CNTN3: variants seen among roughly 807,000 people sequenced by gnomAD.
The protein encoded by CNTN3 is contactin 3, also known as contactin-3.
In CNTN3, 60 loss-of-function variants were observed where a neutral mutation model predicts 119.1. That is an observed-to-expected ratio of 0.50 (90% CI 0.41 to 0.62). The LOEUF is 0.62. CNTN3 is among the 20% of genes least tolerant of loss of function. The pLI, the probability that CNTN3 is intolerant of heterozygous loss-of-function variation, is 0.00. For missense variants in CNTN3, 1,101 were observed against 1,242.4 expected, an observed-to-expected ratio of 0.89 and a Z score of 1.71; for synonymous variants, 450 against 438.7, an observed-to-expected ratio of 1.03 and a Z score of -0.32.
chr3:74,478,458 T>C (rs1702700945), intron 4 of CNTN3, among the ~76,000 whole-genome samples: 1 of 152,120 alleles, frequency 6.6e-6, no homozygotes, highest in African/African-American at 2.4e-5. Flanking sequence ...TTGTAAGGTA[T>C]ATTAAATGCA....
At position 74,365,702 on chromosome 3, in the gene CNTN3, G is replaced by A. The variant is rs1442099881; in HGVS notation, c.947C>T (p.Ala316Val). 1.3e-6 allele frequency: 2 copies of A among 1,596,130 alleles called. No individual in the cohort carries two copies. Among genetic ancestry groups the A allele is most frequent in the Non-Finnish European group, 1.7e-6 (2 of 1,171,620 alleles). Residue 316 changes from alanine to valine, a missense_variant and splice_region_variant, in exon 9 of 23, where the codon GCA becomes GTA. Coordinates refer to ENST00000263665, the MANE Select transcript of CNTN3 (RefSeq NM_020872.3). ...TATGAGTTGAACCCAATGGGGCTTT[G>A]CTTCAATGAAAGAAAAGGAAAAAGA... ...NVARGRLTYY[A>V]KPHWVQLIKD...
At chr3:74,321,468 C>A (rs1233026453) in intron 13 of CNTN3, among the ~76,000 whole-genome samples, 2 of 151,652 alleles carry the variant, frequency 1.3e-5, no homozygotes, top group Non-Finnish European at 2.9e-5. Context: ...AAGAAGGAGC[C>A]AAAACCAATA....
Position 74,318,569 on chromosome 3 carries a change from C to G in CNTN3, c.1669-15762G>C, listed in dbSNP as rs181421108. On this transcript the variant is annotated intron_variant, in intron 13 of 22. Transcript: ENST00000263665. ...TTCTAACGGACAGGACCCTCAGCTG[C>G]AGGTCTGTTGGAGTTGGAGTTTGCT... Among the ~76,000 whole-genome samples the G allele has an allele frequency of 3.8e-4, 58 of 152,282 alleles. 1 individual carries two copies. In the East Asian group the frequency reaches 9.9e-3, roughly 26 times the overall value.
intron 1 of CNTN3, among the ~76,000 whole-genome samples, chr3:74,530,448 A>T (rs566486010): frequency 1.3e-5 from 2 of 152,058 alleles, no homozygotes; most frequent in East Asian, 3.9e-4. Flanking sequence ...ACAGAGAGGA[A>T]GGCAGGTACT....
chr3:74,569,521 C>A (rs1366684020), intron 1 of CNTN3, among the ~76,000 whole-genome samples: 2 of 152,206 alleles, frequency 1.3e-5, no homozygotes, highest in Admixed American at 1.3e-4. Context: ...AGAAAGCTCA[C>A]TCTCAACTCA....
chr3:74,300,072 T>C (rs1198289519), intron 16 of CNTN3, 134 bp from the exon 17 acceptor site: 11 of 474,226 alleles, frequency 2.3e-5, no homozygotes, highest in Non-Finnish European at 3.3e-5. Flanking sequence ...TGGGTGTTTA[T>C]GTACATATAC....
chr3:74,305,066 A>G (rs1702532113), intron 13 of CNTN3, among the ~76,000 whole-genome samples: 1 of 152,238 alleles, frequency 6.6e-6, no homozygotes, highest in Non-Finnish European at 1.5e-5. Flanking sequence ...TGTTAGATTC[A>G]TTCAAGGACA....
intron 4 of CNTN3, among the ~76,000 whole-genome samples, chr3:74,446,840 AG>A (rs1038934012): frequency 4.4e-4 from 67 of 152,226 alleles, no homozygotes; most frequent in African/African-American, 1.3e-3. Context: ...TCAGGGTCAT[AG>A]GGTATAAGTT....
At chr3:74,492,977 ATCTAAT>A (rs1391980212) in intron 3 of CNTN3, among the ~76,000 whole-genome samples, 2 of 152,094 alleles carry the variant, frequency 1.3e-5, no homozygotes, top group Admixed American at 6.6e-5. Context: ...GAATAAAGCA[ATCTAAT>A]TCTATTTTCT....
At chr3:74,450,652 TCCCTCCC>T (rs1465661289) in intron 4 of CNTN3, among the ~76,000 whole-genome samples, 1 of 118,926 alleles carries the variant, frequency 8.4e-6, no homozygotes, top group Non-Finnish European at 1.7e-5. Flanking sequence ...CCCAATGCTA[TCCCTCCC>T]CCCTCCCCCC....
rs553394064 is a variant in CNTN3, at chr3:74,558,113, T to C, written c.-80-36921A>G. ...TCTCCCTCTTTAGGGATAATCTTCATGCAATTACTGGTTTTTGCATGATAT... is the reference window on the plus strand; with the variant it reads ...TCTCCCTCTTTAGGGATAATCTTCACGCAATTACTGGTTTTTGCATGATAT... On this transcript the variant is annotated intron_variant, in intron 1 of 22. Coordinates refer to ENST00000263665, the MANE Select transcript of CNTN3 (RefSeq NM_020872.3). Among the ~76,000 whole-genome samples the C allele has an allele frequency of 5.3e-5, 8 of 152,296 alleles. No homozygotes were observed. The East Asian group carries it at 1.5e-3, about 29-fold the overall frequency.
At chr3:74,473,677 G>C (rs199884637) in intron 4 of CNTN3, among the ~76,000 whole-genome samples, 1 of 152,238 alleles carries the variant, frequency 6.6e-6, no homozygotes, top group East Asian at 1.9e-4. Flanking sequence ...TAAACAAATA[G>C]AAAAGATGTA....
At chr3:74,306,433 A>C (rs1005063563) in intron 13 of CNTN3, among the ~76,000 whole-genome samples, 3 of 152,160 alleles carry the variant, frequency 2.0e-5, no homozygotes, top group Non-Finnish European at 4.4e-5. Context: ...TTGAATAAAA[A>C]ATAGCTTATC....
chr3:74,354,598 T>C (rs1703894338), intron 11 of CNTN3, among the ~76,000 whole-genome samples: 1 of 152,082 alleles, frequency 6.6e-6, no homozygotes, highest in Admixed American at 6.6e-5. Context: ...TGAAATACTA[T>C]GGAATACTGA....
chr3:74,592,217 T>G (rs890456661), intron 1 of CNTN3, among the ~76,000 whole-genome samples: 2 of 151,798 alleles, frequency 1.3e-5, no homozygotes, highest in African/African-American at 4.8e-5. Context: ...TTGCCACTTC[T>G]GTGGTGGCCA....
intron 1 of CNTN3, among the ~76,000 whole-genome samples, chr3:74,527,228 T>C (rs1703633021): frequency 6.6e-6 from 1 of 151,952 alleles, no homozygotes; most frequent in Non-Finnish European, 1.5e-5. Context: ...GAAACAAATA[T>C]TCCTGAGGTT....
intron 1 of CNTN3, among the ~76,000 whole-genome samples, chr3:74,521,486 A>G (rs1226308741): frequency 6.6e-6 from 1 of 151,474 alleles, no homozygotes; most frequent in Admixed American, 6.6e-5. Context: ...AATTTCAAGA[A>G]AGAAAACATT....
chr3:74,320,526 G>A (rs958942008), intron 13 of CNTN3, among the ~76,000 whole-genome samples: 7 of 152,110 alleles, frequency 4.6e-5, no homozygotes, highest in Non-Finnish European at 7.4e-5. Context: ...TGTGGGGTGG[G>A]GGGACGTGGG....
intron 1 of CNTN3, among the ~76,000 whole-genome samples, chr3:74,551,754 C>CTTTTTTTTTTTTTTTTTTTTTTTT (rs776621925): frequency 1.7e-5 from 1 of 60,178 alleles, no homozygotes; most frequent in Non-Finnish European, 2.8e-5. Flanking sequence ...TCTTCTTCTT[C>CTTTTTTTTTTTTTTTTTTTTTTTT]TTTTTTTTTT....
Sources: allele counts gnomAD v4.1 joint callset (sites outside exome capture counted in the v4.1 genomes callset), GRCh38; gene constraint gnomAD v4.1.1; transcripts MANE v1.5; gene names NCBI Gene and HGNC (gene_info 2026-07-23, HGNC 2026-07-21).